The following ZSCAN2 variants were observed in gnomAD, a reference collection of about 807,000 sequenced individuals.
ZSCAN2 encodes the protein zinc finger and SCAN domain-containing protein 2.
A neutral mutation model predicts 47.8 loss-of-function variants in ZSCAN2; 26 were observed. The ratio of observed to expected loss-of-function variants is 0.54; its 90% CI spans 0.40 to 0.75. The LOEUF is 0.75. ZSCAN2 is among the 30% of genes least tolerant of loss of function. The probability of loss-of-function intolerance (pLI) is 0.00; values close to 1 mark genes in which losing one functional copy is unlikely to be tolerated. For synonymous variants in ZSCAN2, 305 were observed against 288.7 expected, an observed-to-expected ratio of 1.06 and a Z score of -0.57; for missense variants, 732 against 785.4, an observed-to-expected ratio of 0.93 and a Z score of 0.81.
chr15:84,616,731 T>C, intron 2 of ZSCAN2: 1 of 994,686 alleles, frequency 1.0e-6, no homozygotes, highest in Non-Finnish European at 1.2e-6. Context: ...AAAATGTTTT[T>C]GGTCATGTTA....
chr15:84,616,407 G>T, intron 2 of ZSCAN2: 1 of 1,594,762 alleles, frequency 6.3e-7, no homozygotes, highest in East Asian at 2.2e-5. Context: ...GCTTACCCCA[G>T]TTCCCAAACA....
Position 84,621,170 on chromosome 15 carries a change from G to A in ZSCAN2, c.975G>A (p.Gln325=). 1 of 1,614,134 alleles carries A rather than the reference G, an allele frequency of 6.2e-7. No individual in the cohort carries two copies. Among genetic ancestry groups the A allele is most frequent in the Non-Finnish European group, 8.5e-7 (1 of 1,180,040 alleles). The part of the protein sequence containing the change: ...FSRSPNLIAH[Q]RTHTGEKPYS... ...GGAGTCCCAACCTCATTGCACATCA[G>A]CGCACCCACACAGGAGAGAAACCCT... Residue 325 remains glutamine, a synonymous_variant, in exon 3 of 3, where the codon CAG becomes CAA. Transcript: ENST00000546148. This position sits in a 1 kb window ranked among gnomAD's most constrained non-coding sequence, Gnocchi z 5.7.
At chr15:84,618,204 G>A (rs1895738338) in intron 2 of ZSCAN2, among the ~76,000 whole-genome samples, 1 of 152,058 alleles carries the variant, frequency 6.6e-6, no homozygotes, top group Non-Finnish European at 1.5e-5. Flanking sequence ...GATCACCTGA[G>A]GTCAGGAGTT....
Position 84,621,718 on chromosome 15 carries a change from G to A in ZSCAN2, c.1523G>A (p.Gly508Glu), listed in dbSNP as rs1224128994. The change falls in exon 3 of 3, where the codon GGG becomes GAG. Residue 508 changes from glycine (G) to glutamate (E), a missense_variant. By Grantham distance (98) the Gly-to-Glu change is moderately conservative. Transcript: ENST00000546148. This position sits in a 1 kb window ranked among gnomAD's most constrained non-coding sequence, Gnocchi z 5.7. ...GEKPYKCSEC[G>E]KCFSQRSQLV... is the part of the protein sequence containing the mutation. ...AAACCCTACAAATGCAGCGAGTGTG[G>A]GAAATGCTTCAGCCAGCGCTCCCAG... The A allele has an allele frequency of 3.7e-6, 6 of 1,614,222 alleles. No homozygotes were observed. The highest frequency in any genetic ancestry group is 1.1e-5 in the South Asian group (1 of 91,086).
chr15:84,617,223 G>A (rs1321886655), intron 2 of ZSCAN2, among the ~76,000 whole-genome samples: 2 of 150,740 alleles, frequency 1.3e-5, no homozygotes, highest in Non-Finnish European at 3.0e-5. Context: ...CTCACTTGAG[G>A]TCAGGAGTTT....
At position 84,622,689 on chromosome 15, in the gene ZSCAN2, CCA is replaced by C; in HGVS notation, c.*650_*651del. On this transcript the variant is annotated 3_prime_UTR_variant, in exon 3 of 3. Transcript: ENST00000546148. The stretch of plus-strand genomic sequence containing the variant: ...AAACTTGAGGAAGTACAGCCTGGAG[CCA>C]GTGTCCCAGTGTCCTTTCCATTGGT... 1.4e-6 allele frequency: 1 copy of C among 717,040 alleles called. No individual in the cohort carries two copies. 44.4% of individuals were successfully genotyped at this position (717,040 alleles called of 1,614,324 possible).
intron 2 of ZSCAN2, among the ~76,000 whole-genome samples, chr15:84,608,895 G>T (rs1437704733): frequency 6.6e-6 from 1 of 152,160 alleles, no homozygotes; most frequent in Non-Finnish European, 1.5e-5. Flanking sequence ...ACCAAGCCCC[G>T]CTGAAGCAAA....
intron 1 of ZSCAN2, among the ~76,000 whole-genome samples, chr15:84,603,526 G>A (rs1895275780): frequency 1.3e-5 from 2 of 151,826 alleles, no homozygotes; most frequent in African/African-American, 2.4e-5. Context: ...CCGCCACCAC[G>A]CCCGGCTAAT....
chr15:84,621,629 A>G lies in ZSCAN2; in HGVS notation c.1434A>G (p.Thr478=), dbSNP rs747039313. 1.1e-5 allele frequency: 18 copies of G among 1,613,012 alleles called. No individual in the cohort carries two copies. The African/African-American group carries it at 1.5e-4, about 13-fold the overall frequency. ...HTGEKPYECL[T]CGESFSWSSN... is the part of the protein sequence containing the mutation. Reference sequence around the variant, plus strand: ...GGGAGAAACCCTACGAGTGCCTGACATGTGGGGAGAGCTTCAGCTGGAGCT... The same window carrying G: ...GGGAGAAACCCTACGAGTGCCTGACGTGTGGGGAGAGCTTCAGCTGGAGCT... Residue 478 remains threonine (T), a synonymous_variant, in exon 3 of 3, where the codon ACA becomes ACG. Coordinates refer to ENST00000546148, the MANE Select transcript of ZSCAN2 (RefSeq NM_181877.4). The surrounding 1 kb of genome is among the most constrained non-coding windows in gnomAD (Gnocchi z 5.7).
chr15:84,617,289 A>T (rs899248271), intron 2 of ZSCAN2, among the ~76,000 whole-genome samples: 1 of 151,916 alleles, frequency 6.6e-6, no homozygotes, highest in African/African-American at 2.4e-5. Flanking sequence ...TACAAAAATT[A>T]GCCAGGCGTG....
At position 84,616,287 on chromosome 15, in the gene ZSCAN2, T is replaced by C. The variant is rs1895691443; in HGVS notation, c.407-4315T>C. The C allele has an allele frequency of 2.6e-6, 3 of 1,147,420 alleles. No homozygotes were observed. The Middle Eastern group carries it at 5.8e-4, about 223-fold the overall frequency. 71.1% of individuals were successfully genotyped at this position (1,147,420 alleles called of 1,614,324 possible). ...GGATTAATGTGCGTGGGTCAAAGGC[T>C]CTTTCCTTCTCTGCTTTCCAGAAAC... On this transcript the variant is annotated intron_variant, in intron 2 of 2. Transcript: ENST00000546148.
intron 2 of ZSCAN2, among the ~76,000 whole-genome samples, chr15:84,612,739 G>GA (rs550276879): frequency 7.6e-5 from 11 of 144,944 alleles, no homozygotes; most frequent in South Asian, 2.2e-4. Flanking sequence ...CGTCTCAAAA[G>GA]AAAAAAAAAA....
chr15:84,616,055 G>A (rs1444966872), intron 2 of ZSCAN2, among the ~76,000 whole-genome samples: 3 of 152,048 alleles, frequency 2.0e-5, no homozygotes, highest in Non-Finnish European at 2.9e-5. Context: ...CCAACATGGC[G>A]ACACCCCATC....
At chr15:84,620,009 G>A (rs952181496) in intron 2 of ZSCAN2, among the ~76,000 whole-genome samples, 2 of 148,338 alleles carry the variant, frequency 1.3e-5, no homozygotes, top group Non-Finnish European at 3.0e-5. Context: ...AAAGGTAAAT[G>A]CGTGCCATGG....
In ZSCAN2 at chr15:84,610,634, C is replaced by T. The variant is rs144811864; in HGVS notation, c.406+6301C>T. ...CCCGAGTAGGTGGGACTACAGGCACCCACCACCACTCCCGGCTAATTTTTG... is the reference window on the plus strand; with the variant it reads ...CCCGAGTAGGTGGGACTACAGGCACTCACCACCACTCCCGGCTAATTTTTG... On this transcript the variant is annotated intron_variant, in intron 2 of 2. Coordinates refer to ENST00000546148, the MANE Select transcript of ZSCAN2 (RefSeq NM_181877.4). Among the ~76,000 whole-genome samples, 1,040 of 151,992 alleles carry T rather than the reference C, an allele frequency of 6.8e-3. 12 individuals carry two copies. Among genetic ancestry groups the T allele is most frequent in the African/African-American group, 0.024 (985 of 41,452 alleles).
intron 2 of ZSCAN2, among the ~76,000 whole-genome samples, chr15:84,604,680 G>A (rs1318345574): frequency 6.6e-6 from 1 of 151,744 alleles, no homozygotes. Context: ...CATCCAAATG[G>A]TTCTTGCAAT....
Position 84,621,181 on chromosome 15 carries a change from CAGG to C in ZSCAN2, c.989_991del (p.Gly330del). 1.2e-6 allele frequency: 2 copies of C among 1,614,154 alleles called. No individual in the cohort carries two copies. Among genetic ancestry groups the C allele is most frequent in the Non-Finnish European group, 1.7e-6 (2 of 1,180,026 alleles). ...CTCATTGCACATCAGCGCACCCACACAGGAGAGAAACCCTACTCGTGCCCCGAG... is the reference window on the plus strand; with the variant it reads ...CTCATTGCACATCAGCGCACCCACACAGAGAAACCCTACTCGTGCCCCGAG... On this transcript the variant is annotated inframe_deletion, in exon 3 of 3. Transcript: ENST00000546148. The surrounding 1 kb of genome is among the most constrained non-coding windows in gnomAD (Gnocchi z 5.7).
chr15:84,616,461 C>T, intron 2 of ZSCAN2: 2 of 1,531,788 alleles, frequency 1.3e-6, no homozygotes, highest in Non-Finnish European at 1.8e-6. Context: ...TCTGTTCCCT[C>T]CCACCCCAGG....
chr15:84,603,996 A>G lies in ZSCAN2; in HGVS notation c.69A>G (p.Glu23=), dbSNP rs760416487. The G allele has an allele frequency of 1.2e-6, 2 of 1,614,032 alleles. No individual in the cohort carries two copies. Among genetic ancestry groups the G allele is most frequent in the South Asian group, 1.1e-5 (1 of 91,078 alleles). ...LSSLVQVPQE[E]DRQEEEVTTM... ...CCTTGGTCCAGGTGCCTCAAGAGGA[A>G]GATAGACAGGAGGAGGAGGTCACCA... is the stretch of plus-strand genomic sequence containing the variant. Residue 23 remains glutamate (E), a synonymous_variant, in exon 2 of 3, where the codon GAA becomes GAG. Transcript: ENST00000546148.
Sources: allele counts gnomAD v4.1 joint callset (sites outside exome capture counted in the v4.1 genomes callset), GRCh38; gene constraint gnomAD v4.1.1; non-coding constraint Gnocchi (gnomAD v3.1); transcripts MANE v1.5; gene names NCBI Gene and HGNC (gene_info 2026-07-23, HGNC 2026-07-21).